The following MSRB3 variants were observed in gnomAD, a reference collection of about 807,000 sequenced individuals.
MSRB3 encodes the protein methionine-R-sulfoxide reductase B3.
Under a neutral mutation model 21.0 loss-of-function variants are expected in MSRB3, and 13 were observed. That is an observed-to-expected ratio of 0.62 (90% CI 0.40 to 0.98). MSRB3 has a LOEUF of 0.98. MSRB3 is among the 50% of genes least tolerant of loss of function. The pLI is 0.00. For synonymous variants in MSRB3, 87 were observed against 88.6 expected (o/e 0.98, Z 0.10); for missense variants, 199 against 230.3 (o/e 0.86, Z 0.88).
chr12:65,333,854 GC>G (rs1875587188), intron 4 of MSRB3, among the ~76,000 whole-genome samples: 1 of 152,148 alleles, frequency 6.6e-6, no homozygotes, highest in African/African-American at 2.4e-5. Flanking sequence ...TATATTTATA[GC>G]CCCGGCACAT....
Position 65,453,508 on chromosome 12 carries a change from A to C in MSRB3, c.293-220A>C, listed in dbSNP as rs571367670. On this transcript the variant is annotated intron_variant, in intron 5 of 6. Transcript: ENST00000308259. ...AATGTCTCATGAAGCACCAAACCCT[A>C]ATGCAACTGTAATCTGAATATGAGG... Among the ~76,000 whole-genome samples the C allele has an allele frequency of 1.1e-4, 16 of 152,348 alleles. No homozygotes were observed. In the South Asian group the frequency reaches 3.3e-3, roughly 32 times the overall value.
chr12:65,440,419 CAATT>C (rs955219357), intron 5 of MSRB3, among the ~76,000 whole-genome samples: 1 of 151,654 alleles, frequency 6.6e-6, no homozygotes, highest in African/African-American at 2.4e-5. Flanking sequence ...GAACTGTTAT[CAATT>C]AAGAAGAAAA....
At chr12:65,309,092 T>A (rs1873830177) in intron 2 of MSRB3, 1 of 203,614 alleles carries the variant, frequency 4.9e-6, no homozygotes. Context: ...AATGTTAGCA[T>A]GATTAAGTTA....
intron 2 of MSRB3, among the ~76,000 whole-genome samples, chr12:65,317,041 G>C (rs1372451945): frequency 6.6e-6 from 1 of 152,016 alleles, no homozygotes; most frequent in Non-Finnish European, 1.5e-5. Context: ...GAAACAGAAT[G>C]GACAAATAAA....
In MSRB3 at chr12:65,315,436, G is replaced by A. The variant is rs1047774786; in HGVS notation, c.76+6781G>A. ...TGTAATCCAGGCACTTTGAGAGGCC[G>A]AGGTGGGCAGATCACTTGAGGCCAG... On this transcript the variant is annotated intron_variant, in intron 2 of 6. Transcript: ENST00000308259. 4.6e-5 allele frequency among the ~76,000 whole-genome samples: 7 copies of A among 152,166 alleles called. No homozygotes were observed. The East Asian group carries it at 9.7e-4, about 21-fold the overall frequency.
At chr12:65,453,345 G>A (rs957785125) in intron 5 of MSRB3, among the ~76,000 whole-genome samples, 8 of 152,282 alleles carry the variant, frequency 5.3e-5, no homozygotes, top group African/African-American at 1.9e-4. Flanking sequence ...CCAATTGATT[G>A]TGTTTTGGAA....
chr12:65,318,751 T>G (rs1465502205), intron 2 of MSRB3, among the ~76,000 whole-genome samples: 1 of 152,162 alleles, frequency 6.6e-6, no homozygotes, highest in South Asian at 2.1e-4. Context: ...TTCCCTAAAC[T>G]CTAGGCTTTG....
chr12:65,328,784 A>G lies in MSRB3; in HGVS notation c.263+181A>G, dbSNP rs534148094. On this transcript the variant is annotated intron_variant, in intron 4 of 6. Transcript: ENST00000308259. ...TCATGGTAAATTACCAGTGTGACAG[A>G]CTGGCTGATTTTGCACTACTTGGAT... Among the ~76,000 whole-genome samples, 13 of 152,330 alleles carry G rather than the reference A, an allele frequency of 8.5e-5. 1 individual carries two copies. The East Asian group carries it at 2.5e-3, about 29-fold the overall frequency.
Position 65,464,845 on chromosome 12 carries a change from C to T in MSRB3, c.*1523C>T, listed in dbSNP as rs1162074473. ...TTCACATGGAAAGCTAAAACGGAAG[C>T]TCAAGTTTCATACTCAACATAATCT... On this transcript the variant is annotated 3_prime_UTR_variant, in exon 7 of 7. Transcript: ENST00000308259. 3 of 152,332 alleles carry T rather than the reference C, an allele frequency of 2.0e-5. No individual in the cohort carries two copies. Among genetic ancestry groups the T allele is most frequent in the Middle Eastern group, 3.4e-3 (1 of 294 alleles). The allele number at this position is 152,332 out of a possible 1,614,324, so 9.4% of individuals were successfully genotyped here. A position where few individuals can be genotyped will look rare whatever the true frequency, so the allele number is the denominator to read the frequency against.
intron 4 of MSRB3, among the ~76,000 whole-genome samples, chr12:65,333,332 G>A (rs2136460348): frequency 6.6e-6 from 1 of 152,294 alleles, no homozygotes; most frequent in African/African-American, 2.4e-5. Flanking sequence ...GTATGTAATA[G>A]GAAGGAATAT....
At chr12:65,300,233 C>A (rs1024695618) in intron 1 of MSRB3, among the ~76,000 whole-genome samples, 1 of 152,166 alleles carries the variant, frequency 6.6e-6, no homozygotes, top group Non-Finnish European at 1.5e-5. Flanking sequence ...GTCACTTTTG[C>A]AGCTGAGGAA....
At chr12:65,285,978 A>T (rs574234752) in intron 1 of MSRB3, 1 of 152,352 alleles carries the variant, frequency 6.6e-6, no homozygotes, top group South Asian at 2.1e-4. Flanking sequence ...AGTATTGAGT[A>T]ATTTCCAACT....
intron 5 of MSRB3, among the ~76,000 whole-genome samples, chr12:65,396,704 A>AGAAAGAAAGAAAGAAAGAAAAG (rs1555209340): frequency 4.6e-4 from 25 of 54,134 alleles, no homozygotes; most frequent in African/African-American, 1.7e-3. Context: ...AAAAAAAAAA[A>AGAAAGAAAGAAAGAAAGAAAAG]AAAGAAAGAA....
At chr12:65,459,854 T>C (rs1883245390) in intron 6 of MSRB3, among the ~76,000 whole-genome samples, 1 of 152,204 alleles carries the variant, frequency 6.6e-6, no homozygotes, top group South Asian at 2.1e-4. Flanking sequence ...AGGAATTATG[T>C]TAAACTTGAT....
intron 4 of MSRB3, among the ~76,000 whole-genome samples, chr12:65,343,421 T>C (rs1876271518): frequency 6.6e-6 from 1 of 152,068 alleles, no homozygotes; most frequent in African/African-American, 2.4e-5. Context: ...CTGTAGCACT[T>C]ACACTGTCCT....
intron 4 of MSRB3, among the ~76,000 whole-genome samples, chr12:65,328,940 T>G (rs1478626963): frequency 6.6e-6 from 1 of 152,240 alleles, no homozygotes; most frequent in East Asian, 1.9e-4. Flanking sequence ...ATGACAGCCT[T>G]AAATATTTAT....
intron 5 of MSRB3, among the ~76,000 whole-genome samples, chr12:65,391,184 C>T (rs982721483): frequency 7.9e-5 from 12 of 152,134 alleles, no homozygotes; most frequent in East Asian, 1.9e-4. Flanking sequence ...GAATGATGGG[C>T]GGAAGCATTA....
At chr12:65,334,658 C>T (rs978896551) in intron 4 of MSRB3, among the ~76,000 whole-genome samples, 4 of 152,224 alleles carry the variant, frequency 2.6e-5, no homozygotes, top group African/African-American at 9.6e-5. Context: ...TGAGATCCAT[C>T]ATGGCAGGTC....
At chr12:65,355,690 A>G (rs959205391) in intron 4 of MSRB3, among the ~76,000 whole-genome samples, 3 of 151,912 alleles carry the variant, frequency 2.0e-5, no homozygotes, top group African/African-American at 7.2e-5. Flanking sequence ...CATAGTCTGC[A>G]TAAGCATAAA....
Sources: gnomAD v4.1 joint callset for allele counts (sites outside exome capture counted in the v4.1 genomes callset) on GRCh38, gnomAD v4.1.1 for gene constraint, MANE v1.5 for transcripts, NCBI Gene and HGNC (gene_info 2026-07-23, HGNC 2026-07-21) for gene names.